The following KCNG2 variants were observed in gnomAD, a reference collection of about 807,000 sequenced individuals.
KCNG2 encodes the protein voltage-gated potassium channel regulatory subunit KCNG2.
A neutral mutation model predicts 12.3 loss-of-function variants in KCNG2; 7 were observed. The ratio of observed to expected loss-of-function variants is 0.57; its 90% confidence interval spans 0.32 to 1.07. The LOEUF is 1.07. Among genes scored for constraint, KCNG2 ranks in the 50% least tolerant of loss-of-function variants. The probability of loss-of-function intolerance (pLI) is 0.04; values close to 1 mark genes in which losing one functional copy is unlikely to be tolerated. For synonymous variants in KCNG2, 414 were observed against 351.4 expected, an observed-to-expected ratio of 1.18 and a Z score of -1.99; for missense variants, 703 against 726.0, an observed-to-expected ratio of 0.97 and a Z score of 0.36.
chr18:79,900,019 C>T lies in KCNG2; in HGVS notation c.*203C>T, dbSNP rs1981162975. ...GGCAGCGCTGGGCAAAGTCACTGGC[C>T]TTTGTCCTCCTGCCCCACCCCTTTC... On this transcript the variant is annotated 3_prime_UTR_variant, in exon 4 of 4. Coordinates refer to ENST00000316249, the MANE Select transcript of KCNG2 (RefSeq NM_012283.2). 2 of 384,146 alleles carry T rather than the reference C, an allele frequency of 5.2e-6. No homozygotes were observed. Among genetic ancestry groups the T allele is most frequent in the Admixed American group, 9.2e-5 (2 of 21,798 alleles). 23.8% of individuals were successfully genotyped at this position (384,146 alleles called of 1,614,324 possible). A position where few individuals can be genotyped will look rare whatever the true frequency, so the allele number is the denominator to read the frequency against.
chr18:79,807,513 T>A (rs1211765526), intron 1 of KCNG2, among the ~76,000 whole-genome samples: 1 of 152,176 alleles, frequency 6.6e-6, no homozygotes, highest in Admixed American at 6.5e-5. Flanking sequence ...GCCTCTGCGC[T>A]CGTGCATTCA....
At chr18:79,808,168 G>A (rs2087467254) in intron 1 of KCNG2, among the ~76,000 whole-genome samples, 1 of 106,174 alleles carries the variant, frequency 9.4e-6, no homozygotes, top group Non-Finnish European at 1.9e-5. Context: ...TCCACGTTAT[G>A]GGCCCAGAGT....
intron 3 of KCNG2, among the ~76,000 whole-genome samples, chr18:79,873,048 G>A (rs1433009121): frequency 6.6e-6 from 1 of 152,166 alleles, no homozygotes; most frequent in African/African-American, 2.4e-5. Context: ...GGACCTGCTA[G>A]GAAGAAGCCA....
At chr18:79,864,550 C>T (rs1318354496) in intron 3 of KCNG2, among the ~76,000 whole-genome samples, 4 of 152,216 alleles carry the variant, frequency 2.6e-5, no homozygotes, top group Non-Finnish European at 5.9e-5. Flanking sequence ...ATTCGGTTTC[C>T]GACGCAGCAT....
intron 3 of KCNG2, among the ~76,000 whole-genome samples, chr18:79,896,743 A>T (rs932302461): frequency 2.0e-5 from 3 of 152,186 alleles, no homozygotes; most frequent in African/African-American, 7.2e-5. Flanking sequence ...AACTTTCTTT[A>T]GTATTTCTTG....
intron 3 of KCNG2, among the ~76,000 whole-genome samples, chr18:79,892,104 G>C (rs1980761984): frequency 7.5e-6 from 1 of 133,332 alleles, no homozygotes; most frequent in South Asian, 2.5e-4. Flanking sequence ...GACAGAGCAA[G>C]ACTCCGTCTA....
At chr18:79,858,867 T>C (rs1979115294) in intron 2 of KCNG2, among the ~76,000 whole-genome samples, 1 of 152,236 alleles carries the variant, frequency 6.6e-6, no homozygotes, top group Non-Finnish European at 1.5e-5. Flanking sequence ...ATTCACATAC[T>C]TCCTCGGGAG....
At chr18:79,892,771 A>G (rs1980791326) in intron 3 of KCNG2, among the ~76,000 whole-genome samples, 1 of 143,908 alleles carries the variant, frequency 6.9e-6, no homozygotes, top group Non-Finnish European at 1.5e-5. Context: ...TCCATTCAAA[A>G]TGATTGATAT....
chr18:79,883,703 T>A (rs1269648857), intron 3 of KCNG2, among the ~76,000 whole-genome samples: 1 of 152,192 alleles, frequency 6.6e-6, no homozygotes, highest in Admixed American at 6.5e-5. Flanking sequence ...GACATGTCTG[T>A]CTGGTAAAGG....
chr18:79,820,700 G>A (rs1318913807), intron 1 of KCNG2, among the ~76,000 whole-genome samples: 1 of 152,178 alleles, frequency 6.6e-6, no homozygotes, highest in East Asian at 1.9e-4. Context: ...TCACTCTGTT[G>A]TCCAAGCTGG....
intron 3 of KCNG2, among the ~76,000 whole-genome samples, chr18:79,882,770 CGGGT>C (rs1980352583): frequency 6.8e-6 from 1 of 146,168 alleles, no homozygotes; most frequent in African/African-American, 2.5e-5. Flanking sequence ...GCGCGGAGGC[CGGGT>C]ACACCTGCGC....
chr18:79,863,185 C>A (rs1362630012), intron 2 of KCNG2, among the ~76,000 whole-genome samples: 1 of 152,260 alleles, frequency 6.6e-6, no homozygotes, highest in Non-Finnish European at 1.5e-5. Context: ...AGCAGGTCCC[C>A]TGGCTGATTC....
intron 1 of KCNG2, among the ~76,000 whole-genome samples, chr18:79,828,288 C>T (rs536323633): frequency 3.4e-4 from 52 of 152,334 alleles, no homozygotes; most frequent in African/African-American, 1.1e-3. Flanking sequence ...GACATGCGTG[C>T]GTGTGCATGT....
chr18:79,860,979 G>C (rs990812928), intron 2 of KCNG2, among the ~76,000 whole-genome samples: 12 of 152,202 alleles, frequency 7.9e-5, no homozygotes, highest in African/African-American at 2.7e-4. Flanking sequence ...TGTGGAGGAA[G>C]TTCTCTTTTA....
intron 1 of KCNG2, among the ~76,000 whole-genome samples, chr18:79,854,692 A>AT (rs1978949558): frequency 6.6e-6 from 1 of 151,896 alleles, no homozygotes; most frequent in Non-Finnish European, 1.5e-5. Flanking sequence ...CGCCCGGCTA[A>AT]TTTTTTGTAT....
chr18:79,829,863 C>T (rs767283547), intron 1 of KCNG2, among the ~76,000 whole-genome samples: 3 of 152,208 alleles, frequency 2.0e-5, no homozygotes, highest in Non-Finnish European at 4.4e-5. Flanking sequence ...ATACTCCCAT[C>T]TGTCTAACTT....
At chr18:79,895,065 A>G (rs1980912216) in intron 3 of KCNG2, among the ~76,000 whole-genome samples, 1 of 146,112 alleles carries the variant, frequency 6.8e-6, no homozygotes. Flanking sequence ...TGTTCACACC[A>G]TTCATAATGA....
chr18:79,870,674 G>T (rs998719520), intron 3 of KCNG2, among the ~76,000 whole-genome samples: 1 of 152,206 alleles, frequency 6.6e-6, no homozygotes, highest in African/African-American at 2.4e-5. Context: ...TTGGCTCTGT[G>T]AATTGATTTT....
Position 79,863,701 on chromosome 18 carries a change from G to A in KCNG2, c.34G>A (p.Gly12Ser), listed in dbSNP as rs760471453. 265 of 1,206,308 alleles carry A rather than the reference G, an allele frequency of 2.2e-4. No homozygotes were observed. Among genetic ancestry groups the A allele is most frequent in the Non-Finnish European group, 2.5e-4 (244 of 971,540 alleles). 74.7% of individuals were successfully genotyped at this position (1,206,308 alleles called of 1,614,324 possible). Residue 12 changes from glycine (G) to serine (S), a missense_variant, in exon 3 of 4, where the codon GGC (glycine) becomes AGC (serine). Transcript: ENST00000316249. ...ATGGCCCTGCTCCCCGGGCGGCGGC[G>A]GCGGGACCCGCGCCCGGCACGTCAT... ...EPWPCSPGGG[G>S]GTRARHVIIN... is the part of the protein sequence containing the mutation.
Sources: gnomAD v4.1 joint callset for allele counts (sites outside exome capture counted in the v4.1 genomes callset) on GRCh38, gnomAD v4.1.1 for gene constraint, MANE v1.5 for transcripts, NCBI Gene and HGNC (gene_info 2026-07-23, HGNC 2026-07-21) for gene names.